The following EPM2A variants were observed in gnomAD, a reference collection of about 807,000 sequenced individuals.
EPM2A encodes EPM2A glucan phosphatase, laforin, also known as laforin.
Under a neutral mutation model 26.5 loss-of-function variants are expected in EPM2A, and 21 were observed. That is an observed-to-expected ratio of 0.79 (90% CI 0.56 to 1.14). The LOEUF is 1.14. Ranked by LOEUF, EPM2A falls within the 50% of genes most tolerant of loss-of-function variation. EPM2A has a pLI of 0.00. For missense variants in EPM2A, 458 were observed against 440.8 expected (o/e 1.04, Z -0.35); for synonymous variants, 217 against 177.6 (o/e 1.22, Z -1.76).
At chr6:145,406,079 C>A (rs1210656225) in intron 4 of EPM2A, among the ~76,000 whole-genome samples, 1 of 151,834 alleles carries the variant, frequency 6.6e-6, no homozygotes, top group East Asian at 1.9e-4. Context: ...TTACACCATG[C>A]AAATATACAA....
chr6:145,452,268 T>G (rs1779204493), intron 4 of EPM2A, among the ~76,000 whole-genome samples: 1 of 152,106 alleles, frequency 6.6e-6, no homozygotes, highest in Non-Finnish European at 1.5e-5. Context: ...ACGCTCTTTT[T>G]CTTTACCTGC....
intron 4 of EPM2A, among the ~76,000 whole-genome samples, chr6:145,416,572 G>A (rs1778710839): frequency 6.6e-6 from 1 of 152,118 alleles, no homozygotes; most frequent in African/African-American, 2.4e-5. Flanking sequence ...TGAGGAATAA[G>A]GATAACGTAG....
chr6:145,671,337 A>G, intron 2 of EPM2A: 6 of 1,009,022 alleles, frequency 5.9e-6, no homozygotes, highest in Non-Finnish European at 7.1e-6. Flanking sequence ...GTCTTGAGCT[A>G]CAAAAATGAG....
At chr6:145,474,611 T>G (rs187295811) in intron 4 of EPM2A, among the ~76,000 whole-genome samples, 117 of 152,152 alleles carry the variant, frequency 7.7e-4, no homozygotes, top group African/African-American at 2.7e-3. Flanking sequence ...CAAAAGCCAT[T>G]GACAAATGGG....
intron 4 of EPM2A, among the ~76,000 whole-genome samples, chr6:145,425,116 C>CCATTCCTTCCTTCCTTCCTT (rs1554235704): frequency 6.8e-5 from 9 of 131,846 alleles, no homozygotes; most frequent in Non-Finnish European, 9.9e-5. Flanking sequence ...ATGTAAGTCT[C>CCATTCCTTCCTTCCTTCCTT]CCTTCCTTCC....
chr6:145,726,144 A>G (rs1776193947), intron 1 of EPM2A, among the ~76,000 whole-genome samples: 1 of 152,090 alleles, frequency 6.6e-6, no homozygotes, highest in African/African-American at 2.4e-5. Flanking sequence ...GAAGTGCTCA[A>G]AAACAAACTA....
At chr6:145,603,502 G>A (rs1258899527) in intron 2 of EPM2A, among the ~76,000 whole-genome samples, 2 of 152,122 alleles carry the variant, frequency 1.3e-5, no homozygotes, top group Admixed American at 1.3e-4. Context: ...TAAGAATCCT[G>A]AGATCAGGGA....
chr6:145,686,081 T>C, intron 2 of EPM2A, 41 bp downstream of exon 2: 1 of 1,560,872 alleles, frequency 6.4e-7, no homozygotes, highest in Non-Finnish European at 8.8e-7. Context: ...ATGCTATCTC[T>C]TGTCCTACTT....
At chr6:145,519,888 C>T (rs371744) in intron 2 of EPM2A, among the ~76,000 whole-genome samples, 71,481 of 151,978 alleles carry the variant, frequency 0.47, 16,830 homozygotes, top group South Asian at 0.6. Flanking sequence ...TCATTCCCAA[C>T]GTCACTAATT....
chr6:145,694,698 A>G (rs185578000), intron 1 of EPM2A, among the ~76,000 whole-genome samples: 3 of 152,200 alleles, frequency 2.0e-5, no homozygotes, highest in Non-Finnish European at 4.4e-5. Flanking sequence ...TACCCTGATC[A>G]TGAGACCACC....
intron 4 of EPM2A, among the ~76,000 whole-genome samples, chr6:145,470,290 T>A (rs1413131069): frequency 4.2e-5 from 2 of 47,440 alleles, no homozygotes; most frequent in Non-Finnish European, 6.3e-5. Context: ...ATGTACCTCA[T>A]AAATATATAC....
At chr6:145,441,363 G>A (rs573186773) in intron 4 of EPM2A, among the ~76,000 whole-genome samples, 1 of 152,306 alleles carries the variant, frequency 6.6e-6, no homozygotes, top group African/African-American at 2.4e-5. Flanking sequence ...TAGGCCTCAG[G>A]TCTGTGATGG....
intron 2 of EPM2A, among the ~76,000 whole-genome samples, chr6:145,575,432 T>G (rs941492037): frequency 3.9e-5 from 6 of 152,190 alleles, no homozygotes; most frequent in Non-Finnish European, 7.3e-5. Flanking sequence ...AGGTTGTATC[T>G]GTTTTTCCGC....
intron 2 of EPM2A, among the ~76,000 whole-genome samples, chr6:145,610,008 A>G (rs1255460376): frequency 6.6e-6 from 1 of 152,124 alleles, no homozygotes; most frequent in Non-Finnish European, 1.5e-5. Flanking sequence ...CGAGGTCAGG[A>G]GTTCAAGACC....
chr6:145,574,725 C>G (rs1018345562), intron 2 of EPM2A, among the ~76,000 whole-genome samples: 7 of 152,188 alleles, frequency 4.6e-5, no homozygotes, highest in Admixed American at 3.3e-4. Flanking sequence ...CAGTGGGCAT[C>G]TTTTAGTCCA....
At chr6:145,716,958 T>G (rs905946746) in intron 1 of EPM2A, among the ~76,000 whole-genome samples, 2 of 152,102 alleles carry the variant, frequency 1.3e-5, no homozygotes, top group African/African-American at 4.8e-5. Flanking sequence ...AAATACCAAG[T>G]TCAAAATACT....
In EPM2A at chr6:145,602,785, G is replaced by T. The variant is rs1012047415; in HGVS notation, c.340+32460C>A. On this transcript the variant is annotated intron_variant, in intron 2 of 3. Coordinates refer to the EPM2A transcript ENST00000450221. ...CTGACATAGGAAAAAGTGTTACGGA[G>T]GGGAAACTGAAATAGAAGAAAACAG... Among the ~76,000 whole-genome samples, 5 of 152,152 alleles carry T rather than the reference G, an allele frequency of 3.3e-5. No individual in the cohort carries two copies. The East Asian group carries it at 9.6e-4, about 29-fold the overall frequency.
intron 2 of EPM2A, among the ~76,000 whole-genome samples, chr6:145,573,700 C>G (rs1380325485): frequency 6.6e-6 from 1 of 152,188 alleles, no homozygotes; most frequent in Non-Finnish European, 1.5e-5. Flanking sequence ...ATAGCCTTCA[C>G]CCTACCAGTC....
At chr6:145,431,566 T>C (rs1778921997) in intron 4 of EPM2A, among the ~76,000 whole-genome samples, 1 of 152,226 alleles carries the variant, frequency 6.6e-6, no homozygotes, top group Non-Finnish European at 1.5e-5. Context: ...GTCTAAATAA[T>C]GCACATACCT....
Sources: gnomAD v4.1 joint callset for allele counts (sites outside exome capture counted in the v4.1 genomes callset) on GRCh38, gnomAD v4.1.1 for gene constraint, MANE v1.5 for transcripts, NCBI Gene and HGNC (gene_info 2026-07-23, HGNC 2026-07-21) for gene names.